The following SPPL2A variants were observed in gnomAD, a reference collection of about 807,000 sequenced individuals.
SPPL2A encodes the protein signal peptide peptidase like 2A, also known as signal peptide peptidase-like 2A.
A neutral mutation model predicts 63.8 loss-of-function variants in SPPL2A; 51 were observed. The ratio of observed to expected loss-of-function variants is 0.80; its 90% CI spans 0.64 to 1.01. The LOEUF (loss-of-function observed/expected upper bound fraction) is 1.01, where lower values mean the gene tolerates loss of function less well. Among genes scored for constraint, SPPL2A ranks in the 50% least tolerant of loss-of-function variants. SPPL2A has a pLI of 0.00. For missense variants in SPPL2A, 553 were observed against 622.7 expected, an observed-to-expected ratio of 0.89 and a Z score of 1.19; for synonymous variants, 188 against 205.8, an observed-to-expected ratio of 0.91 and a Z score of 0.74.
intron 10 of SPPL2A, among the ~76,000 whole-genome samples, chr15:50,730,714 A>C (rs1450543151): frequency 2.6e-5 from 4 of 152,216 alleles, no homozygotes; most frequent in African/African-American, 7.2e-5. Flanking sequence ...TTTAGCTCAT[A>C]AGAAAAAATA....
chr15:50,707,938 T>G (rs2062524309), intron 14 of SPPL2A, 64 bp from the exon 15 acceptor site: 1 of 819,588 alleles, frequency 1.2e-6, no homozygotes, highest in Admixed American at 1.9e-5. Context: ...ATTCACTACA[T>G]TAGCAAAAGG....
At chr15:50,765,108 A>G (rs1409540826) in intron 1 of SPPL2A, among the ~76,000 whole-genome samples, 1 of 152,184 alleles carries the variant, frequency 6.6e-6, no homozygotes, top group Admixed American at 6.5e-5. Context: ...AGGCTTAGAC[A>G]ATAAAACCCA....
At chr15:50,721,731 A>G (rs1162501386) in intron 13 of SPPL2A, among the ~76,000 whole-genome samples, 1 of 151,194 alleles carries the variant, frequency 6.6e-6, no homozygotes, top group Non-Finnish European at 1.5e-5. Context: ...CAGCCTCCCC[A>G]GTAGCTGGGA....
chr15:50,749,884 G>C (rs1238816604), intron 1 of SPPL2A, 138 bp from the exon 2 acceptor site: 2 of 631,436 alleles, frequency 3.2e-6, no homozygotes, highest in Admixed American at 2.7e-5. Flanking sequence ...GTTTCTTCTT[G>C]TTTGAGGAAA....
chr15:50,753,290 A>G (rs1356389262), intron 1 of SPPL2A, among the ~76,000 whole-genome samples: 1 of 152,228 alleles, frequency 6.6e-6, no homozygotes, highest in Non-Finnish European at 1.5e-5. Context: ...AGAGATACAT[A>G]AAGAGGCTAT....
At position 50,765,521 on chromosome 15, in the gene SPPL2A, G is replaced by C. The variant is rs1014061829; in HGVS notation, c.13C>G (p.Arg5Gly). ...GCGGCCCCGGCAGGGGACAGCCGCC[G>C]CTGCGGCCCCATCGGACTGGTGGGT... MGPQ[R>G]RLSPAGAALL... The change falls in exon 1 of 15, where the codon CGG (arginine) becomes GGG (glycine). Residue 5 changes from arginine to glycine, a missense_variant. Arg to Gly is a moderately radical substitution (Grantham distance 125). Transcript: ENST00000261854. 5 of 1,498,890 alleles carry C rather than the reference G, an allele frequency of 3.3e-6. No homozygotes were observed. The African/African-American group carries it at 7.2e-5, about 22-fold the overall frequency. 92.8% of individuals were successfully genotyped at this position (1,498,890 alleles called of 1,614,324 possible). A position where few individuals can be genotyped will look rare whatever the true frequency, so the allele number is the denominator to read the frequency against.
rs1024001812 is a variant in SPPL2A at position 50,704,111 on chromosome 15, G to A, written c.*3689C>T. ...TAATCCCAGCACTTTAGGAGGCTGA[G>A]GCGGGCGGATCACCTCAGGTTGGGA... On this transcript the variant is annotated 3_prime_UTR_variant, in exon 15 of 15. Transcript: ENST00000261854. The A allele has an allele frequency of 1.3e-5, 2 of 152,064 alleles. No homozygotes were observed. Among genetic ancestry groups the A allele is most frequent in the South Asian group, 4.1e-4 (2 of 4,826 alleles). 9.4% of individuals were successfully genotyped at this position (152,064 alleles called of 1,614,324 possible).
At chr15:50,749,775 T>G (rs751174620) in intron 1 of SPPL2A, 29 bp from the exon 2 acceptor site, 1 of 1,335,824 alleles carries the variant, frequency 7.5e-7, no homozygotes, top group South Asian at 1.2e-5. Flanking sequence ...CTTTCAAACT[T>G]GCAATGTTAT....
At chr15:50,739,030 A>G (rs2062796795) in intron 6 of SPPL2A, among the ~76,000 whole-genome samples, 1 of 152,116 alleles carries the variant, frequency 6.6e-6, no homozygotes, top group Non-Finnish European at 1.5e-5. Context: ...CATGTAACTA[A>G]ATATAGCCAC....
chr15:50,704,734 TTTAA>T lies in SPPL2A; in HGVS notation c.*3062_*3065del, dbSNP rs2062497184. ...GTCCCCAAATAAAATATTTCTGTACTTTAATTTCTTAATCACTATTGTCAGCTTG... is the reference window on the plus strand; with the variant it reads ...GTCCCCAAATAAAATATTTCTGTACTTTTCTTAATCACTATTGTCAGCTTG... On this transcript the variant is annotated 3_prime_UTR_variant, in exon 15 of 15. Transcript: ENST00000261854. 1 of 152,194 alleles carries T rather than the reference TTTAA, an allele frequency of 6.6e-6. No individual in the cohort carries two copies. The highest frequency in any genetic ancestry group is 2.4e-5 in the African/African-American group (1 of 41,444). 9.4% of individuals were successfully genotyped at this position (152,194 alleles called of 1,614,324 possible). A position where few individuals can be genotyped will look rare whatever the true frequency, so the allele number is the denominator to read the frequency against.
intron 11 of SPPL2A, 177 bp downstream of exon 11, chr15:50,726,144 T>C: frequency 6.6e-7 from 1 of 1,523,106 alleles, no homozygotes; most frequent in Non-Finnish European, 8.8e-7. Flanking sequence ...GAAACCCAAG[T>C]CAATAGGTAT....
intron 1 of SPPL2A, among the ~76,000 whole-genome samples, chr15:50,754,841 G>C (rs2062941250): frequency 6.6e-6 from 1 of 152,094 alleles, no homozygotes; most frequent in Non-Finnish European, 1.5e-5. Context: ...AATTAGCTGG[G>C]CATGGTGGCC....
intron 10 of SPPL2A, among the ~76,000 whole-genome samples, chr15:50,728,032 TA>T (rs1431996069): frequency 6.6e-6 from 1 of 152,246 alleles, no homozygotes; most frequent in Non-Finnish European, 1.5e-5. Flanking sequence ...CCTATACCTT[TA>T]AAATTCTGAA....
intron 10 of SPPL2A, among the ~76,000 whole-genome samples, chr15:50,729,359 G>A (rs1306961403): frequency 6.6e-6 from 1 of 152,196 alleles, no homozygotes; most frequent in Non-Finnish European, 1.5e-5. Context: ...TCATCATTAA[G>A]TGACAGAAAG....
chr15:50,714,686 A>T (rs2062587029), intron 14 of SPPL2A, among the ~76,000 whole-genome samples: 1 of 151,784 alleles, frequency 6.6e-6, no homozygotes, highest in Admixed American at 6.6e-5. Flanking sequence ...TCATGCCTGT[A>T]ATCCCAGCAC....
intron 14 of SPPL2A, among the ~76,000 whole-genome samples, chr15:50,712,898 G>A (rs2062570939): frequency 6.6e-6 from 1 of 151,820 alleles, no homozygotes; most frequent in Non-Finnish European, 1.5e-5. Flanking sequence ...TGTTGGTCAG[G>A]CTGTCTCAAA....
intron 1 of SPPL2A, among the ~76,000 whole-genome samples, chr15:50,757,906 C>A (rs918637404): frequency 1.3e-5 from 2 of 151,032 alleles, no homozygotes; most frequent in Non-Finnish European, 2.9e-5. Context: ...ATCGCTTGAA[C>A]CCAGGAGGTG....
At chr15:50,765,278 T>G (rs2063048634) in intron 1 of SPPL2A, among the ~76,000 whole-genome samples, 190 bp downstream of exon 1, 9 of 143,258 alleles carry the variant, frequency 6.3e-5, no homozygotes, top group African/African-American at 7.8e-5. Flanking sequence ...GGAAAGAGGG[T>G]GGAAAAGAGG....
At chr15:50,737,571 GCC>G (rs1300840500) in intron 6 of SPPL2A, among the ~76,000 whole-genome samples, 1 of 152,024 alleles carries the variant, frequency 6.6e-6, no homozygotes, top group Non-Finnish European at 1.5e-5. Context: ...TCCTGCCTCA[GCC>G]CCTTGAGGAG....
Sources: gnomAD v4.1 joint callset for allele counts (sites outside exome capture counted in the v4.1 genomes callset) on GRCh38, gnomAD v4.1.1 for gene constraint, MANE v1.5 for transcripts, NCBI Gene and HGNC (gene_info 2026-07-23, HGNC 2026-07-21) for gene names.